The following TP63 variants were observed in gnomAD, a reference collection of about 807,000 sequenced individuals.
The protein encoded by TP63 is tumor protein p63, also known as tumor protein 63.
TP63 carries 17 observed loss-of-function variants against 82.8 expected under a neutral mutation model. That is an observed-to-expected ratio of 0.21 (90% CI 0.14 to 0.31). The LOEUF is 0.31. Ranked by LOEUF, TP63 falls within the 10% of genes least tolerant of loss-of-function variation. TP63 has a pLI of 1.00. For synonymous variants in TP63, 330 were observed against 321.7 expected, an observed-to-expected ratio of 1.03 and a Z score of -0.28; for missense variants, 648 against 895.3, an observed-to-expected ratio of 0.72 and a Z score of 3.52.
At chr3:189,839,253 C>T (rs544231680) in intron 4 of TP63, among the ~76,000 whole-genome samples, 32 of 152,138 alleles carry the variant, frequency 2.1e-4, no homozygotes, top group African/African-American at 6.3e-4. Flanking sequence ...CAATTATTGT[C>T]GGCACTCTTT....
At chr3:189,631,676 T>C in intron 1 of TP63, 99 bp downstream of exon 1, 1 of 1,602,358 alleles carries the variant, frequency 6.2e-7, no homozygotes, top group Non-Finnish European at 8.5e-7. Flanking sequence ...TCCTCCTTGT[T>C]TAGTCAGCAC....
chr3:189,832,793 A>G (rs552649173), intron 4 of TP63, among the ~76,000 whole-genome samples: 3 of 152,324 alleles, frequency 2.0e-5, no homozygotes, highest in Non-Finnish European at 4.4e-5. Context: ...CATTTCACAG[A>G]TGCAGAGTTA....
intron 1 of TP63, among the ~76,000 whole-genome samples, chr3:189,638,063 C>T (rs773563107): frequency 1.2e-4 from 18 of 152,082 alleles, no homozygotes; most frequent in Non-Finnish European, 2.5e-4. Context: ...CCTGCCAACA[C>T]CTTGATCTCA....
At chr3:189,793,668 TTTTCTC>T (rs1184954311) in intron 3 of TP63, among the ~76,000 whole-genome samples, 1 of 152,072 alleles carries the variant, frequency 6.6e-6, no homozygotes, top group Non-Finnish European at 1.5e-5. Flanking sequence ...CTAGTATAAC[TTTTCTC>T]TCCCCTTGAA....
At chr3:189,644,058 G>A (rs79655809) in intron 1 of TP63, among the ~76,000 whole-genome samples, 1 of 152,118 alleles carries the variant, frequency 6.6e-6, no homozygotes, top group East Asian at 1.9e-4. Context: ...CCACAATGTT[G>A]TCTTACAGTC....
intron 3 of TP63, among the ~76,000 whole-genome samples, chr3:189,781,600 ATT>A: frequency 6.7e-6 from 1 of 149,514 alleles, no homozygotes; most frequent in Non-Finnish European, 1.5e-5. Context: ...TTGCCTAGGG[ATT>A]TTTTTTTTTC....
intron 4 of TP63, among the ~76,000 whole-genome samples, chr3:189,843,583 C>T (rs1560247682): frequency 2.6e-5 from 4 of 152,294 alleles, no homozygotes; most frequent in South Asian, 4.1e-4. Context: ...CTTGCCAAGA[C>T]GACTGTGGGG....
intron 10 of TP63, among the ~76,000 whole-genome samples, chr3:189,875,054 T>C (rs756100881): frequency 5.3e-5 from 8 of 151,634 alleles, no homozygotes; most frequent in Non-Finnish European, 1.0e-4. Context: ...AGCTGCTTTT[T>C]GTAAAGTCCT....
intron 10 of TP63, chr3:189,873,504 C>T (rs145399502): frequency 1.1e-5 from 2 of 175,648 alleles, no homozygotes; most frequent in East Asian, 1.4e-4. Flanking sequence ...AGACCTAGTG[C>T]ATGATAATTG....
intron 1 of TP63, among the ~76,000 whole-genome samples, chr3:189,655,195 A>C (rs188169827): frequency 2.8e-4 from 42 of 152,328 alleles, no homozygotes; most frequent in Non-Finnish European, 5.3e-4. Flanking sequence ...AAATTATTTT[A>C]GGAGACTTCT....
chr3:189,641,986 T>G (rs568399638), intron 1 of TP63, among the ~76,000 whole-genome samples: 10 of 152,280 alleles, frequency 6.6e-5, no homozygotes, highest in Non-Finnish European at 2.9e-5. Flanking sequence ...GTCAGGGCTA[T>G]CTGACCCAAA....
chr3:189,761,210 AT>A lies in TP63; in HGVS notation c.324+22439del, dbSNP rs572841222. Among the ~76,000 whole-genome samples the A allele has an allele frequency of 3.3e-3, 503 of 152,202 alleles. 5 individuals are homozygous for A. Among genetic ancestry groups the A allele is most frequent in the African/African-American group, 0.012 (485 of 41,520 alleles). ...ATGCAAATTGCTGCAGCCAACTTAA[AT>A]TTCTCCTCAGAAAATTGGATTTTGT... On this transcript the variant is annotated intron_variant, in intron 3 of 13. Coordinates refer to ENST00000264731, the MANE Select transcript of TP63 (RefSeq NM_003722.5).
At chr3:189,787,925 C>G (rs1252767514) in intron 3 of TP63, among the ~76,000 whole-genome samples, 2 of 151,892 alleles carry the variant, frequency 1.3e-5, no homozygotes, top group Admixed American at 1.3e-4. Context: ...TAAAAAGCAC[C>G]CTGGATGATT....
rs2276792 is a variant in TP63 at position 189,864,460 on chromosome 3, G to A, written c.766+42G>A. On this transcript the variant is annotated intron_variant, in intron 5 of 13. Transcript: ENST00000264731. The stretch of plus-strand genomic sequence containing the variant: ...TCTCTAACTGTTCAACCTCCTTGAA[G>A]GTCAAGATTCTGTGGGCATTTTTGT... The A allele has an allele frequency of 0.12, 182,423 of 1,577,000 alleles. 14,292 individuals are homozygous for A. The highest frequency in any genetic ancestry group is 0.41 in the African/African-American group (30,248 of 73,848).
chr3:189,795,019 G>A (rs952381860), intron 3 of TP63, among the ~76,000 whole-genome samples: 3 of 152,020 alleles, frequency 2.0e-5, no homozygotes, highest in Non-Finnish European at 2.9e-5. Context: ...ATTTATGCCT[G>A]CTATTCTAGC....
chr3:189,628,846 G>C (rs1257264260), upstream of TP63, among the ~76,000 whole-genome samples: 2 of 152,074 alleles, frequency 1.3e-5, no homozygotes, highest in African/African-American at 4.8e-5. Flanking sequence ...CATGCTACTG[G>C]TGTTCTGTTG....
At chr3:189,777,135 A>T (rs532223302) in intron 3 of TP63, among the ~76,000 whole-genome samples, 1 of 151,920 alleles carries the variant, frequency 6.6e-6, no homozygotes, top group Middle Eastern at 3.2e-3. Flanking sequence ...TGTCTTTCCT[A>T]CTCTATCTTC....
intron 1 of TP63, among the ~76,000 whole-genome samples, chr3:189,643,641 A>G (rs1483415721): frequency 6.6e-6 from 1 of 152,068 alleles, no homozygotes; most frequent in African/African-American, 2.4e-5. Context: ...CTAATGTGGT[A>G]CTTCAGCTCA....
At chr3:189,771,946 C>T (rs1416948672) in intron 3 of TP63, among the ~76,000 whole-genome samples, 2 of 152,100 alleles carry the variant, frequency 1.3e-5, no homozygotes, top group Non-Finnish European at 2.9e-5. Flanking sequence ...GATAGCATTT[C>T]GGAAACTGTT....
Sources: allele counts gnomAD v4.1 joint callset (sites outside exome capture counted in the v4.1 genomes callset), GRCh38; gene constraint gnomAD v4.1.1; transcripts MANE v1.5; gene names NCBI Gene and HGNC (gene_info 2026-07-23, HGNC 2026-07-21).